The following ITGB5 variants were observed in gnomAD, a reference collection of about 807,000 sequenced individuals.
The protein encoded by ITGB5 is integrin beta-5.
Under a neutral mutation model 84.8 loss-of-function variants are expected in ITGB5, and 38 were observed. That is an observed-to-expected ratio of 0.45 (90% CI 0.35 to 0.59). The LOEUF (loss-of-function observed/expected upper bound fraction) is 0.59. ITGB5 is among the 20% of genes least tolerant of loss of function. The pLI, the probability that ITGB5 is intolerant of heterozygous loss-of-function variation, is 0.01. For missense variants in ITGB5, 905 were observed against 1,034.5 expected (o/e 0.87, Z 1.72); for synonymous variants, 393 against 414.4 (o/e 0.95, Z 0.63).
rs1377546229 is a variant in ITGB5 at position 124,783,312 on chromosome 3, A to AG, written c.1694-9401_1694-9400insC. ...TCTCAAAAAAAAAAAAAAAAAAAAAAAGAGAGAGAGAGAGATTAAACAGAC... is the reference window on the plus strand; with the variant it reads ...TCTCAAAAAAAAAAAAAAAAAAAAAAGAGAGAGAGAGAGAGATTAAACAGAC... On this transcript the variant is annotated intron_variant, in intron 10 of 14. Coordinates refer to ENST00000296181, the MANE Select transcript of ITGB5 (RefSeq NM_002213.5). Among the ~76,000 whole-genome samples, 100 of 147,582 alleles carry AG rather than the reference A, an allele frequency of 6.8e-4. No homozygotes were observed. The East Asian group carries it at 0.013, about 19-fold the overall frequency.
chr3:124,773,199 G>A (rs2150934548), intron 11 of ITGB5, among the ~76,000 whole-genome samples: 1 of 152,282 alleles, frequency 6.6e-6, no homozygotes, highest in South Asian at 2.1e-4. Flanking sequence ...GAGCCACCAT[G>A]CCCGGCCTCT....
intron 2 of ITGB5, among the ~76,000 whole-genome samples, chr3:124,859,749 C>G (rs948860746): frequency 1.3e-5 from 2 of 152,074 alleles, no homozygotes; most frequent in African/African-American, 4.8e-5. Flanking sequence ...GCAAGAGAAA[C>G]AGAAATGATC....
chr3:124,836,766 A>G (rs1172133662), intron 5 of ITGB5, among the ~76,000 whole-genome samples: 1 of 152,236 alleles, frequency 6.6e-6, no homozygotes, highest in African/African-American at 2.4e-5. Context: ...ATTTTAGATA[A>G]GATATTCTGG....
chr3:124,785,898 A>T (rs1330512957), intron 10 of ITGB5, among the ~76,000 whole-genome samples: 4 of 151,934 alleles, frequency 2.6e-5, no homozygotes, highest in Non-Finnish European at 5.9e-5. Context: ...GCTAAGTGCC[A>T]GGGTGGTGGG....
chr3:124,788,757 G>C (rs1476252460), intron 10 of ITGB5, among the ~76,000 whole-genome samples: 1 of 152,224 alleles, frequency 6.6e-6, no homozygotes, highest in African/African-American at 2.4e-5. Flanking sequence ...GTATTTGCTA[G>C]AAGCATCTGG....
intron 4 of ITGB5, among the ~76,000 whole-genome samples, chr3:124,842,413 T>C (rs2065022745): frequency 6.6e-6 from 1 of 152,160 alleles, no homozygotes; most frequent in South Asian, 2.1e-4. Context: ...CTAATAAAGT[T>C]GGAAGAGAGA....
chr3:124,789,371 G>C (rs200921442), intron 10 of ITGB5, among the ~76,000 whole-genome samples: 2 of 144,874 alleles, frequency 1.4e-5, no homozygotes, highest in Non-Finnish European at 3.0e-5. Flanking sequence ...CCTTTAACTA[G>C]ACAGGGTTAA....
intron 10 of ITGB5, among the ~76,000 whole-genome samples, 195 bp downstream of exon 10, chr3:124,796,192 AC>A (rs1559937064): frequency 6.6e-6 from 1 of 152,188 alleles, no homozygotes; most frequent in Non-Finnish European, 1.5e-5. Flanking sequence ...TTATGGCAAT[AC>A]CTTCTGCTTT....
intron 1 of ITGB5, among the ~76,000 whole-genome samples, chr3:124,883,597 G>A (rs1267845512): frequency 6.6e-6 from 1 of 152,194 alleles, no homozygotes; most frequent in Non-Finnish European, 1.5e-5. Flanking sequence ...TAGGGGGTTG[G>A]GGGTAGAGGA....
intron 10 of ITGB5, among the ~76,000 whole-genome samples, chr3:124,774,284 C>T (rs919587832): frequency 6.6e-6 from 1 of 152,178 alleles, no homozygotes; most frequent in Non-Finnish European, 1.5e-5. Context: ...AGCAAAAGAG[C>T]TTTCACAGAT....
At chr3:124,875,660 T>C (rs767300993) in intron 1 of ITGB5, among the ~76,000 whole-genome samples, 25 of 152,076 alleles carry the variant, frequency 1.6e-4, no homozygotes, top group Non-Finnish European at 3.4e-4. Context: ...GGGTATATAG[T>C]CAAAGAAAAT....
intron 1 of ITGB5, among the ~76,000 whole-genome samples, chr3:124,874,269 G>A (rs909793606): frequency 4.5e-5 from 6 of 134,226 alleles, no homozygotes; most frequent in Non-Finnish European, 7.6e-5. Context: ...CTGCACTCCA[G>A]CCTGGGCAAC....
intron 2 of ITGB5, among the ~76,000 whole-genome samples, chr3:124,863,682 C>T (rs1450621057): frequency 9.9e-5 from 15 of 152,124 alleles, no homozygotes; most frequent in Admixed American, 9.8e-4. Flanking sequence ...CTATGCCTGG[C>T]TAATTTTTGT....
At chr3:124,887,709 C>T (rs1477462709), upstream of ITGB5, 1 of 453,400 alleles carries the variant, frequency 2.2e-6, no homozygotes, top group Non-Finnish European at 4.4e-6. Context: ...GCCGAGATTA[C>T]TTGGGCCAAA....
chr3:124,861,375 G>A (rs1391757334), intron 2 of ITGB5, among the ~76,000 whole-genome samples: 1 of 151,046 alleles, frequency 6.6e-6, no homozygotes, highest in African/African-American at 2.4e-5. Flanking sequence ...GCTGAGGCGG[G>A]AGGATCGCTC....
chr3:124,771,283 A>AG (rs1417294368), intron 11 of ITGB5, among the ~76,000 whole-genome samples: 1 of 152,180 alleles, frequency 6.6e-6, no homozygotes, highest in African/African-American at 2.4e-5. Flanking sequence ...TGAAACCCCC[A>AG]GAAAAAAAAG....
chr3:124,851,715 GGATGTAAGAAA>G (rs2065159196), intron 3 of ITGB5, among the ~76,000 whole-genome samples: 1 of 151,828 alleles, frequency 6.6e-6, no homozygotes, highest in African/African-American at 2.4e-5. Flanking sequence ...AGAAAGAGAG[GGATGTAAGAAA>G]GATGGTAACA....
chr3:124,776,084 C>G (rs1299948103), intron 10 of ITGB5, among the ~76,000 whole-genome samples: 2 of 152,250 alleles, frequency 1.3e-5, no homozygotes, highest in Admixed American at 1.3e-4. Flanking sequence ...GGCCCGGAGT[C>G]CGCTGTGGAA....
At chr3:124,841,740 G>C (rs2065014865) in intron 4 of ITGB5, among the ~76,000 whole-genome samples, 189 bp from the exon 5 acceptor site, 1 of 152,220 alleles carries the variant, frequency 6.6e-6, no homozygotes, top group Non-Finnish European at 1.5e-5. Flanking sequence ...CCAAACATCA[G>C]CCCTAAACTG....
Sources: gnomAD v4.1 joint callset for allele counts (sites outside exome capture counted in the v4.1 genomes callset) on GRCh38, gnomAD v4.1.1 for gene constraint, MANE v1.5 for transcripts, NCBI Gene and HGNC (gene_info 2026-07-23, HGNC 2026-07-21) for gene names.